RAB19: variants seen among roughly 807,000 people sequenced by gnomAD.
RAB19 encodes the protein ras-related protein Rab-19.
Under a neutral mutation model 17.3 loss-of-function variants are expected in RAB19, and 21 were observed. The ratio of observed to expected loss-of-function variants is 1.21; its 90% CI spans 0.86 to 1.74. RAB19 has a LOEUF of 1.74. Among genes scored for constraint, RAB19 ranks in the 40% most tolerant of loss-of-function variants. The probability of loss-of-function intolerance (pLI) is 0.00; values close to 1 mark genes in which losing one functional copy is unlikely to be tolerated. For missense variants in RAB19, 277 were observed against 286.8 expected (o/e 0.97, Z 0.25); for synonymous variants, 126 against 110.4 (o/e 1.14, Z -0.88).
At chr7:140,424,639 A>ATATGTGTGTGTG (rs1554442794) in intron 3 of RAB19, among the ~76,000 whole-genome samples, 1 of 138,356 alleles carries the variant, frequency 7.2e-6, no homozygotes, top group African/African-American at 2.8e-5. Flanking sequence ...ATATATATAT[A>ATATGTGTGTGTG]TGTGTGTGTG....
chr7:140,408,773 G>A (rs559665617), intron 2 of RAB19, among the ~76,000 whole-genome samples: 1 of 152,136 alleles, frequency 6.6e-6, no homozygotes, highest in South Asian at 2.1e-4. Flanking sequence ...ACCACACCCA[G>A]CCTGAGACAG....
chr7:140,427,141 CTTTTTT>C lies in RAB19; in HGVS notation c.*1007_*1012del, dbSNP rs34940659. On this transcript the variant is annotated 3_prime_UTR_variant, in exon 4 of 4. Transcript: ENST00000537763. ...ACAGGCATGAGCCACCATGCCTGTTCTTTTTTTTTTTTTTTTTTTTTGAGACTGAGT... is the reference window on the plus strand; with the variant it reads ...ACAGGCATGAGCCACCATGCCTGTTCTTTTTTTTTTTTTTTGAGACTGAGT... Among the ~76,000 whole-genome samples, 7 of 94,438 alleles carry C rather than the reference CTTTTTT, an allele frequency of 7.4e-5. No homozygotes were observed. The Admixed American group carries it at 8.2e-4, about 11-fold the overall frequency. 62.0% of individuals were successfully genotyped at this position (94,438 alleles called of 152,430 possible). A position where few individuals can be genotyped will look rare whatever the true frequency, so the allele number is the denominator to read the frequency against.
At chr7:140,408,441 T>TG (rs1040098921) in intron 2 of RAB19, among the ~76,000 whole-genome samples, 5 of 151,266 alleles carry the variant, frequency 3.3e-5, no homozygotes, top group Admixed American at 6.6e-5. Flanking sequence ...TTTGCTTTTT[T>TG]GGGGGGGTGG....
intron 2 of RAB19, among the ~76,000 whole-genome samples, chr7:140,409,642 GA>G (rs1799314017): frequency 6.6e-6 from 1 of 151,942 alleles, no homozygotes; most frequent in Non-Finnish European, 1.5e-5. Flanking sequence ...AGGTTGCAGT[GA>G]GCTGAGATCA....
intron 3 of RAB19, among the ~76,000 whole-genome samples, chr7:140,418,769 G>A (rs1799507889): frequency 6.6e-6 from 1 of 151,322 alleles, no homozygotes; most frequent in African/African-American, 2.4e-5. Context: ...TGAATTGGGA[G>A]GATTGCTTTA....
chr7:140,423,623 A>G (rs762315520), intron 3 of RAB19, among the ~76,000 whole-genome samples: 8 of 152,214 alleles, frequency 5.3e-5, no homozygotes, highest in Non-Finnish European at 1.0e-4. Flanking sequence ...ATCCATTTAT[A>G]TAATATTCTG....
At position 140,427,845 on chromosome 7, in the gene RAB19, C is replaced by T. The variant is rs1799696592; in HGVS notation, c.*1695C>T. 6.6e-6 allele frequency among the ~76,000 whole-genome samples: 1 copy of T among 151,904 alleles called. No homozygotes were observed. Among genetic ancestry groups the T allele is most frequent in the Non-Finnish European group, 1.5e-5 (1 of 67,980 alleles). ...GCTCACAGGTTTCTCCCACCTCAGC[C>T]TCCCAAAGTGCTGGGATTACAGGCA... On this transcript the variant is annotated 3_prime_UTR_variant, in exon 4 of 4. Transcript: ENST00000537763.
Position 140,426,199 on chromosome 7 carries a change from C to G in RAB19, c.*49C>G. 1 of 1,582,852 alleles carries G rather than the reference C, an allele frequency of 6.3e-7. No homozygotes were observed. Among genetic ancestry groups the G allele is most frequent in the African/African-American group, 1.4e-5 (1 of 74,000 alleles). The stretch of plus-strand genomic sequence containing the variant: ...CCACCAAAGAGGCCGCCTCTGAAAC[C>G]AAAGGTAGCCAGGATACCGTAGTGT... On this transcript the variant is annotated 3_prime_UTR_variant, in exon 4 of 4. Coordinates refer to ENST00000537763, the MANE Select transcript of RAB19 (RefSeq NM_001008749.3).
At chr7:140,410,350 C>T (rs1342856946) in intron 2 of RAB19, among the ~76,000 whole-genome samples, 1 of 97,298 alleles carries the variant, frequency 1.0e-5, no homozygotes, top group Non-Finnish European at 2.0e-5. Flanking sequence ...GACGGAGTCT[C>T]GCCCTGTCAC....
chr7:140,412,222 C>T (rs574285587), intron 3 of RAB19, among the ~76,000 whole-genome samples, 165 bp downstream of exon 3: 2 of 152,110 alleles, frequency 1.3e-5, no homozygotes, highest in African/African-American at 4.8e-5. Context: ...GAGGCTGGGG[C>T]GGGCGGATCA....
chr7:140,424,615 CTCTCTA>C (rs1222190115), intron 3 of RAB19, among the ~76,000 whole-genome samples: 395 of 72,402 alleles, frequency 5.5e-3, no homozygotes, highest in African/African-American at 0.018. Flanking sequence ...CTCTCTCTCT[CTCTCTA>C]TATATATATA....
chr7:140,409,136 G>A (rs1799302939), intron 2 of RAB19, among the ~76,000 whole-genome samples: 1 of 152,118 alleles, frequency 6.6e-6, no homozygotes, highest in Non-Finnish European at 1.5e-5. Context: ...GGCCGAGGCG[G>A]GTGGATGACT....
rs190091568 is a variant in RAB19 at position 140,409,862 on chromosome 7, G to A, written c.202-2012G>A. On this transcript the variant is annotated intron_variant, in intron 2 of 3. Coordinates refer to ENST00000537763, the MANE Select transcript of RAB19 (RefSeq NM_001008749.3). ...CAAAAAATCAGCCGGGCCTGGTGGC[G>A]GGTGCCTGTAGTCCCAGCTACTTGG... Among the ~76,000 whole-genome samples, 1,036 of 151,238 alleles carry A rather than the reference G, an allele frequency of 6.9e-3. 7 individuals are homozygous for A. Among genetic ancestry groups the A allele is most frequent in the Middle Eastern group, 0.017 (5 of 292 alleles).
At chr7:140,407,589 A>G in intron 1 of RAB19, 35 bp from the exon 2 acceptor site, 2 of 1,533,928 alleles carry the variant, frequency 1.3e-6, no homozygotes, top group South Asian at 1.1e-5. Flanking sequence ...CTGGATCCCC[A>G]GTTCCTGGTG....
intron 1 of RAB19, among the ~76,000 whole-genome samples, chr7:140,404,604 AT>A (rs1799202248): frequency 6.8e-6 from 1 of 147,638 alleles, no homozygotes; most frequent in African/African-American, 2.5e-5. Context: ...ATTTGAGTGC[AT>A]TTTACCTTGT....
chr7:140,419,743 C>T (rs1799524680), intron 3 of RAB19, among the ~76,000 whole-genome samples: 1 of 152,152 alleles, frequency 6.6e-6, no homozygotes, highest in Non-Finnish European at 1.5e-5. Flanking sequence ...CTAGTGTGTA[C>T]TCCCATCAGC....
At chr7:140,415,141 C>T (rs1417404170) in intron 3 of RAB19, among the ~76,000 whole-genome samples, 1 of 151,132 alleles carries the variant, frequency 6.6e-6, no homozygotes, top group African/African-American at 2.4e-5. Flanking sequence ...GTAGTGCAAT[C>T]TCGGCTCACT....
At chr7:140,410,195 T>A (rs1005773393) in intron 2 of RAB19, among the ~76,000 whole-genome samples, 1 of 151,348 alleles carries the variant, frequency 6.6e-6, no homozygotes, top group African/African-American at 2.4e-5. Context: ...CAGTGGCGCA[T>A]GATCTCAGCT....
chr7:140,421,027 G>A (rs1799553115), intron 3 of RAB19, among the ~76,000 whole-genome samples: 1 of 151,574 alleles, frequency 6.6e-6, no homozygotes, highest in African/African-American at 2.4e-5. Flanking sequence ...TGAGTAGCTG[G>A]GATTATAGGC....
Sources: gnomAD v4.1 joint callset for allele counts (sites outside exome capture counted in the v4.1 genomes callset) on GRCh38, gnomAD v4.1.1 for gene constraint, MANE v1.5 for transcripts, NCBI Gene and HGNC (gene_info 2026-07-23, HGNC 2026-07-21) for gene names.